Variants in C8orf34 observed in about 807,000 individuals in gnomAD.
C8orf34 encodes chromosome 8 open reading frame 34.
Under a neutral mutation model 68.3 loss-of-function variants are expected in C8orf34, and 65 were observed. That is an observed-to-expected ratio of 0.95 (90% confidence interval 0.78 to 1.17). The LOEUF (loss-of-function observed/expected upper bound fraction) is 1.17, where lower values mean the gene tolerates loss of function less well. Ranked by LOEUF, C8orf34 falls within the 50% of genes most tolerant of loss-of-function variation. C8orf34 has a pLI of 0.00. For synonymous variants in C8orf34, 244 were observed against 241.2 expected (o/e 1.01, Z -0.11); for missense variants, 664 against 655.4 (o/e 1.01, Z -0.14).
intron 1 of C8orf34, among the ~76,000 whole-genome samples, chr8:68,337,457 G>A (rs1320618933): frequency 1.3e-5 from 2 of 152,106 alleles, no homozygotes; most frequent in African/African-American, 4.8e-5. Flanking sequence ...GTCAAGAGAG[G>A]CCTCAGACTG....
chr8:68,511,205 T>A (rs945196371), intron 5 of C8orf34, among the ~76,000 whole-genome samples: 3 of 152,212 alleles, frequency 2.0e-5, no homozygotes, highest in Non-Finnish European at 4.4e-5. Flanking sequence ...AAATTTAATT[T>A]TCTCAGCAAG....
chr8:68,428,283 A>T (rs539238847), intron 1 of C8orf34, among the ~76,000 whole-genome samples: 1 of 152,072 alleles, frequency 6.6e-6, no homozygotes, highest in African/African-American at 2.4e-5. Flanking sequence ...AAAAAATAAG[A>T]GCAGTAAAAA....
chr8:68,461,655 G>T (rs1257771096), intron 3 of C8orf34, among the ~76,000 whole-genome samples: 1 of 152,142 alleles, frequency 6.6e-6, no homozygotes, highest in African/African-American at 2.4e-5. Context: ...TTAAAGAAAA[G>T]AATTTTCAAC....
At chr8:68,603,351 G>A (rs1328685246) in intron 7 of C8orf34, among the ~76,000 whole-genome samples, 2 of 151,812 alleles carry the variant, frequency 1.3e-5, no homozygotes, top group Admixed American at 6.6e-5. Flanking sequence ...TCCTCTCCCA[G>A]GTATATGCCC....
At chr8:68,503,389 G>C (rs1363362856) in intron 5 of C8orf34, among the ~76,000 whole-genome samples, 1 of 152,134 alleles carries the variant, frequency 6.6e-6, no homozygotes, top group South Asian at 2.1e-4. Context: ...CGATGTGCCA[G>C]GTGGGGTGGG....
chr8:68,360,589 G>A (rs947274693), intron 1 of C8orf34, among the ~76,000 whole-genome samples: 1 of 151,938 alleles, frequency 6.6e-6, no homozygotes, highest in Admixed American at 6.6e-5. Flanking sequence ...CCAAACTAGG[G>A]CAGCATTCTT....
At chr8:68,789,430 T>C (rs1823931387) in intron 12 of C8orf34, among the ~76,000 whole-genome samples, 1 of 152,230 alleles carries the variant, frequency 6.6e-6, no homozygotes, top group Non-Finnish European at 1.5e-5. Context: ...CTTCTTTTCT[T>C]TTCCTTAAAT....
chr8:68,334,063 T>C (rs1805746047), intron 1 of C8orf34, among the ~76,000 whole-genome samples: 2 of 152,254 alleles, frequency 1.3e-5, no homozygotes, highest in Admixed American at 1.3e-4. Flanking sequence ...ATCCTCTTTT[T>C]TACCTGTAGG....
intron 9 of C8orf34, among the ~76,000 whole-genome samples, chr8:68,715,655 TA>T (rs59970473): frequency 0.19 from 26,758 of 140,366 alleles, 2,563 homozygotes; most frequent in Middle Eastern, 0.32. Flanking sequence ...CTATAAAAAA[TA>T]AAAAAAAAAA....
intron 12 of C8orf34, among the ~76,000 whole-genome samples, chr8:68,799,147 C>A (rs1824260438): frequency 6.6e-6 from 1 of 152,080 alleles, no homozygotes; most frequent in Admixed American, 6.6e-5. Flanking sequence ...GGATGCATGG[C>A]CCAAATTTTT....
At chr8:68,466,629 C>T (rs550063015) in intron 3 of C8orf34, among the ~76,000 whole-genome samples, 264 of 151,170 alleles carry the variant, frequency 1.7e-3, no homozygotes, top group Middle Eastern at 3.4e-3. Context: ...TTTATTCAGC[C>T]ATTCCTTTGT....
intron 1 of C8orf34, among the ~76,000 whole-genome samples, chr8:68,425,083 G>A (rs1473343963): frequency 6.6e-6 from 1 of 152,068 alleles, no homozygotes; most frequent in Non-Finnish European, 1.5e-5. Flanking sequence ...GTACCCAATA[G>A]CCATTAATGA....
At chr8:68,758,016 C>G (rs533474671) in intron 10 of C8orf34, among the ~76,000 whole-genome samples, 77 of 152,306 alleles carry the variant, frequency 5.1e-4, no homozygotes, top group Non-Finnish European at 9.4e-4. Context: ...ATTGGAATAG[C>G]CCAACAAAGT....
chr8:68,627,357 T>C (rs761066449), intron 7 of C8orf34, among the ~76,000 whole-genome samples: 1 of 152,304 alleles, frequency 6.6e-6, no homozygotes, highest in East Asian at 1.9e-4. Context: ...CTCTAGATTT[T>C]TGTGTTGCTT....
chr8:68,678,347 A>G (rs1218074299), intron 8 of C8orf34, among the ~76,000 whole-genome samples: 1 of 152,216 alleles, frequency 6.6e-6, no homozygotes, highest in Non-Finnish European at 1.5e-5. Flanking sequence ...CAACAATGTG[A>G]TAGCAAAACT....
chr8:68,661,678 C>A (rs1455562641), intron 8 of C8orf34, among the ~76,000 whole-genome samples: 1 of 152,132 alleles, frequency 6.6e-6, no homozygotes, highest in African/African-American at 2.4e-5. Context: ...ACCCCATTCC[C>A]CTAGGGCTCA....
intron 3 of C8orf34, among the ~76,000 whole-genome samples, chr8:68,459,620 A>C (rs1390420646): frequency 6.6e-6 from 1 of 152,196 alleles, no homozygotes; most frequent in Non-Finnish European, 1.5e-5. Context: ...AAAAACTTAA[A>C]ATAGAACCAC....
intron 3 of C8orf34, among the ~76,000 whole-genome samples, chr8:68,459,909 A>G (rs531986423): frequency 3.9e-5 from 6 of 152,292 alleles, no homozygotes; most frequent in Admixed American, 3.3e-4. Flanking sequence ...TACCGGGTTC[A>G]CCTCACTAGG....
intron 7 of C8orf34, among the ~76,000 whole-genome samples, chr8:68,555,561 A>C (rs1024326049): frequency 6.6e-6 from 1 of 152,146 alleles, no homozygotes; most frequent in Non-Finnish European, 1.5e-5. Context: ...TCAGTCTTCT[A>C]TCTCCATCAT....
Sources: gnomAD v4.1 joint callset for allele counts (sites outside exome capture counted in the v4.1 genomes callset) on GRCh38, gnomAD v4.1.1 for gene constraint, MANE v1.5 for transcripts, NCBI Gene and HGNC (gene_info 2026-07-23, HGNC 2026-07-21) for gene names.